Variants in RPH3A observed in about 807,000 individuals in gnomAD.
The protein encoded by RPH3A is rabphilin 3A.
A neutral mutation model predicts 102.2 loss-of-function variants in RPH3A; 48 were observed. The observed-to-expected ratio is 0.47, with a 90% CI of 0.37 to 0.60. The LOEUF (loss-of-function observed/expected upper bound fraction) is 0.60. RPH3A is among the 20% of genes least tolerant of loss of function. RPH3A has a pLI of 0.00. For missense variants in RPH3A, 781 were observed against 910.1 expected, an observed-to-expected ratio of 0.86 and a Z score of 1.83; for synonymous variants, 310 against 324.3, an observed-to-expected ratio of 0.96 and a Z score of 0.47.
chr12:112,575,347 C>T (rs1325096971), intron 1 of RPH3A: 1 of 152,194 alleles, frequency 6.6e-6, no homozygotes, highest in Non-Finnish European at 1.5e-5. Context: ...TGCGGGCCAC[C>T]AGGTCCTGCC....
chr12:112,827,942 C>A lies in RPH3A; in HGVS notation c.-18-359C>A, dbSNP rs541556133. Among the ~76,000 whole-genome samples the A allele has an allele frequency of 5.2e-4, 79 of 151,826 alleles. 1 individual carries two copies. The highest frequency in any genetic ancestry group is 1.0e-3 in the Non-Finnish European group (71 of 67,952). On this transcript the variant is annotated intron_variant, in intron 2 of 21. Transcript: ENST00000389385. ...AAAGGCAGGGATGACTCCACAACAA[C>A]TAAGTCAGATGACTTGCTCAGTAGA...
chr12:112,703,384 T>A (rs985060289), intron 1 of RPH3A, among the ~76,000 whole-genome samples: 1 of 152,352 alleles, frequency 6.6e-6, no homozygotes, highest in East Asian at 1.9e-4. Flanking sequence ...AAATAGACTT[T>A]CCCATCCTTA....
At chr12:112,716,834 C>A (rs1421033451) in intron 1 of RPH3A, among the ~76,000 whole-genome samples, 2 of 152,224 alleles carry the variant, frequency 1.3e-5, no homozygotes, top group African/African-American at 4.8e-5. Flanking sequence ...CTGTGCTAAG[C>A]ATGGCACTGG....
intron 10 of RPH3A, among the ~76,000 whole-genome samples, chr12:112,872,603 A>C (rs996605956): frequency 6.6e-6 from 1 of 152,058 alleles, no homozygotes; most frequent in Non-Finnish European, 1.5e-5. Context: ...TTTTAGTGTC[A>C]TATCTAAGAA....
Position 112,720,113 on chromosome 12 carries a change from G to T in RPH3A, c.-139-72030G>T, listed in dbSNP as rs536153890. The stretch of plus-strand genomic sequence containing the variant: ...CTTTGTTATGGCAGAGAAGCAGATT[G>T]AAGTTTGAGATTGACAACTGTCTCC... On this transcript the variant is annotated intron_variant, in intron 1 of 21. Transcript: ENST00000543106. Among the ~76,000 whole-genome samples, 10 of 152,360 alleles carry T rather than the reference G, an allele frequency of 6.6e-5. 1 individual carries two copies. In the East Asian group the frequency reaches 1.7e-3, roughly 26 times the overall value.
At chr12:112,852,515 A>G (rs929673878) in intron 5 of RPH3A, among the ~76,000 whole-genome samples, 2 of 152,194 alleles carry the variant, frequency 1.3e-5, no homozygotes, top group Non-Finnish European at 2.9e-5. Context: ...CTCATCCCAT[A>G]TATTAGAAAA....
intron 2 of RPH3A, among the ~76,000 whole-genome samples, chr12:112,805,298 G>A (rs549035829): frequency 4.7e-4 from 72 of 151,830 alleles, no homozygotes; most frequent in African/African-American, 1.6e-3. Context: ...ATAACATTTA[G>A]TGTGTGTACG....
intron 2 of RPH3A, among the ~76,000 whole-genome samples, chr12:112,814,521 C>CGCCA (rs1261280376): frequency 6.6e-5 from 10 of 152,142 alleles, no homozygotes; most frequent in African/African-American, 2.4e-4. Flanking sequence ...TCTTATCTCA[C>CGCCA]GCCAGATTCT....
chr12:112,629,061 T>C (rs907190779), intron 1 of RPH3A, among the ~76,000 whole-genome samples: 6 of 152,142 alleles, frequency 3.9e-5, no homozygotes, highest in Non-Finnish European at 7.3e-5. Flanking sequence ...TTTAGGATAA[T>C]TTAAAAACTG....
At chr12:112,648,391 T>C (rs1489814353) in intron 1 of RPH3A, among the ~76,000 whole-genome samples, 1 of 151,164 alleles carries the variant, frequency 6.6e-6, no homozygotes, top group African/African-American at 2.4e-5. Flanking sequence ...ATGTTTTTGT[T>C]TGCTTTCGAC....
intron 2 of RPH3A, among the ~76,000 whole-genome samples, chr12:112,826,869 G>A (rs1163888038): frequency 1.3e-5 from 2 of 152,122 alleles, no homozygotes; most frequent in East Asian, 3.9e-4. Context: ...CCTGTGTTAA[G>A]CTATTATGAA....
At chr12:112,821,500 C>A (rs1476913360) in intron 2 of RPH3A, among the ~76,000 whole-genome samples, 1 of 152,104 alleles carries the variant, frequency 6.6e-6, no homozygotes, top group African/African-American at 2.4e-5. Flanking sequence ...ACTTACCAAG[C>A]ACATGCCTGC....
At chr12:112,579,581 T>A (rs762563620) in intron 1 of RPH3A, among the ~76,000 whole-genome samples, 10 of 152,338 alleles carry the variant, frequency 6.6e-5, no homozygotes, top group African/African-American at 2.4e-4. Context: ...TTTAAAAGAT[T>A]AGCTGTATTG....
rs761567543 is a variant in RPH3A at position 112,894,665 on chromosome 12, G to C, written c.1857+6G>C. ...TGAATCCCGAATTCAATGAGGTAAG[G>C]CTGCCCTATTCTTTTTCATGCTCTG... On this transcript the variant is annotated splice_donor_region_variant and intron_variant, in intron 20 of 21. Coordinates refer to ENST00000389385, the MANE Select transcript of RPH3A (RefSeq NM_001143854.2). 4 of 1,612,430 alleles carry C rather than the reference G, an allele frequency of 2.5e-6. No homozygotes were observed. The highest frequency in any genetic ancestry group is 1.7e-6 in the Non-Finnish European group (2 of 1,179,348).
At chr12:112,885,148 T>C (rs1431199255) in intron 16 of RPH3A, among the ~76,000 whole-genome samples, 1 of 152,208 alleles carries the variant, frequency 6.6e-6, no homozygotes, top group African/African-American at 2.4e-5. Context: ...TTTGGGGCTA[T>C]TACAAATAGT....
At chr12:112,798,974 A>G (rs999288631) in intron 2 of RPH3A, among the ~76,000 whole-genome samples, 1 of 152,108 alleles carries the variant, frequency 6.6e-6, no homozygotes, top group Non-Finnish European at 1.5e-5. Flanking sequence ...TTACTTGTAA[A>G]GGGAATGCAT....
intron 1 of RPH3A, among the ~76,000 whole-genome samples, chr12:112,751,418 C>T (rs757938245): frequency 3.3e-5 from 5 of 152,160 alleles, no homozygotes; most frequent in Non-Finnish European, 5.9e-5. Context: ...CTCTTTTAGC[C>T]TCAGTTTACC....
intron 1 of RPH3A, among the ~76,000 whole-genome samples, chr12:112,735,421 C>T (rs2040662428): frequency 6.6e-6 from 1 of 152,160 alleles, no homozygotes; most frequent in African/African-American, 2.4e-5. Context: ...ATTAGGTAGT[C>T]TTCTTACCTC....
chr12:112,731,283 AT>A (rs1736209240), intron 1 of RPH3A, among the ~76,000 whole-genome samples: 1 of 152,128 alleles, frequency 6.6e-6, no homozygotes, highest in Admixed American at 6.5e-5. Flanking sequence ...GAATAAGTCA[AT>A]GAATACACGT....
Sources: gnomAD v4.1 joint callset for allele counts (sites outside exome capture counted in the v4.1 genomes callset) on GRCh38, gnomAD v4.1.1 for gene constraint, MANE v1.5 for transcripts, NCBI Gene and HGNC (gene_info 2026-07-23, HGNC 2026-07-21) for gene names.